LRCH1: variants seen among roughly 807,000 people sequenced by gnomAD.
The protein encoded by LRCH1 is leucine-rich repeat and calponin homology domain-containing protein 1.
In LRCH1, 23 loss-of-function variants were observed where a neutral mutation model predicts 94.9. That is an observed-to-expected ratio of 0.24 (90% confidence interval 0.17 to 0.34). The LOEUF (loss-of-function observed/expected upper bound fraction) is 0.34. LRCH1 is among the 10% of genes least tolerant of loss of function. The probability of loss-of-function intolerance (pLI) is 1.00; values close to 1 mark genes in which losing one functional copy is unlikely to be tolerated. For missense variants in LRCH1, 790 were observed against 945.9 expected, an observed-to-expected ratio of 0.84 and a Z score of 2.16; for synonymous variants, 364 against 354.9, an observed-to-expected ratio of 1.03 and a Z score of -0.29.
Position 46,705,302 on chromosome 13 carries a change from G to C in LRCH1, c.1525G>C (p.Glu509Gln). The stretch of plus-strand genomic sequence containing the variant: ...ACAGCTGGAGACATCTCCGGTGTGT[G>C]AGGTAAGGCTGCTGGTAGATTCACC... ...QIQLETSPVC[E>Q]VQSDLTLQSN... Residue 509 changes from glutamate to glutamine, a missense_variant and splice_region_variant, in exon 13 of 20, where the codon GAG becomes CAG. Transcript: ENST00000389797. 1 of 1,613,376 alleles carries C rather than the reference G, an allele frequency of 6.2e-7. No homozygotes were observed. The highest frequency in any genetic ancestry group is 8.5e-7 in the Non-Finnish European group (1 of 1,179,604).
chr13:46,678,096 T>A (rs9590978), intron 3 of LRCH1, among the ~76,000 whole-genome samples: 2,703 of 152,336 alleles, frequency 0.018, 67 homozygotes, highest in East Asian at 0.07. Flanking sequence ...GCATTAGTGT[T>A]GTTTTTATTT....
chr13:46,641,530 A>G (rs536240040), intron 1 of LRCH1, among the ~76,000 whole-genome samples: 69 of 152,328 alleles, frequency 4.5e-4, no homozygotes, highest in African/African-American at 1.6e-3. Context: ...CCACGATAAC[A>G]TGTTTATGAT....
At chr13:46,658,478 T>C (rs1014335281) in intron 2 of LRCH1, among the ~76,000 whole-genome samples, 1 of 152,196 alleles carries the variant, frequency 6.6e-6, no homozygotes, top group Non-Finnish European at 1.5e-5. Context: ...TAAATTTCTT[T>C]TTATTTTCAT....
At chr13:46,623,570 T>C (rs2050905707) in intron 1 of LRCH1, among the ~76,000 whole-genome samples, 1 of 152,068 alleles carries the variant, frequency 6.6e-6, no homozygotes. Flanking sequence ...AACTTCTTCC[T>C]CTAGGGATAT....
chr13:46,586,080 C>T (rs938507769), intron 1 of LRCH1, among the ~76,000 whole-genome samples: 8 of 152,168 alleles, frequency 5.3e-5, no homozygotes, highest in African/African-American at 1.9e-4. Context: ...AAGCCTCGTG[C>T]ATTCTTTTCA....
At chr13:46,577,637 A>G (rs2095377593) in intron 1 of LRCH1, among the ~76,000 whole-genome samples, 1 of 152,246 alleles carries the variant, frequency 6.6e-6, no homozygotes, top group South Asian at 2.1e-4. Context: ...AAGCACAGCA[A>G]CTAGCTTTTT....
chr13:46,672,065 C>G (rs766278093), intron 3 of LRCH1, among the ~76,000 whole-genome samples: 1 of 152,166 alleles, frequency 6.6e-6, no homozygotes, highest in African/African-American at 2.4e-5. Context: ...CCTCCTCAAC[C>G]CTGGCAACCA....
At chr13:46,695,658 T>C (rs2147163) in intron 9 of LRCH1, among the ~76,000 whole-genome samples, 119,587 of 152,194 alleles carry the variant, frequency 0.79, 47,185 homozygotes, top group African/African-American at 0.86. Context: ...CAGGTTGTGG[T>C]GCCCAAGAAT....
chr13:46,590,863 T>G (rs925336367), intron 1 of LRCH1, among the ~76,000 whole-genome samples: 1 of 152,214 alleles, frequency 6.6e-6, no homozygotes, highest in African/African-American at 2.4e-5. Flanking sequence ...CCAAGTGAAG[T>G]GAGAAGATAG....
At chr13:46,624,984 G>T (rs545378617) in intron 1 of LRCH1, among the ~76,000 whole-genome samples, 1 of 152,254 alleles carries the variant, frequency 6.6e-6, no homozygotes, top group Admixed American at 6.5e-5. Context: ...CATCCTCAGG[G>T]TTCTGTTTAC....
At chr13:46,578,758 C>T (rs2050331786) in intron 1 of LRCH1, among the ~76,000 whole-genome samples, 1 of 152,018 alleles carries the variant, frequency 6.6e-6, no homozygotes, top group African/African-American at 2.4e-5. Flanking sequence ...CAGATGCTTA[C>T]ATCGTGGGAG....
chr13:46,687,923 C>A lies in LRCH1; in HGVS notation c.894C>A (p.Asp298Glu). Residue 298 changes from aspartate to glutamate, a missense_variant, in exon 6 of 20, where the codon GAC (aspartate) becomes GAA (glutamate). Asp to Glu is a conservative substitution (Grantham distance 45, BLOSUM62 2). This residue lies in a region of LRCH1 where 194 missense variants were observed against 293.5 expected (regional missense o/e 0.66). Coordinates refer to ENST00000389797, the MANE Select transcript of LRCH1 (RefSeq NM_001164211.2). ...SIQACQIKTA[D>E]SLYLHTMERP... ...AAGCATGCCAGATTAAGACAGCTGA[C>A]TCCCTTTATCTCCACACCATGGAGA... 6.2e-7 allele frequency: 1 copy of A among 1,613,198 alleles called. No individual in the cohort carries two copies.
At chr13:46,631,320 G>T (rs1198883457) in intron 1 of LRCH1, among the ~76,000 whole-genome samples, 1 of 152,162 alleles carries the variant, frequency 6.6e-6, no homozygotes. Flanking sequence ...GGCTTTTTAG[G>T]TGGCTTCCAA....
At position 46,556,482 on chromosome 13, in the gene LRCH1, G is replaced by A. The variant is rs142113742; in HGVS notation, c.307+2779G>A. 2.0e-5 allele frequency among the ~76,000 whole-genome samples: 3 copies of A among 152,278 alleles called. No individual in the cohort carries two copies. The East Asian group carries it at 5.8e-4, about 29-fold the overall frequency. On this transcript the variant is annotated intron_variant, in intron 1 of 19. Transcript: ENST00000389797. Reference sequence around the variant, plus strand: ...TTAATAGGTGAAACGGGGAAAGAAAGACTGATCCACGCAGGTGCAGTGAGT... The same window carrying A: ...TTAATAGGTGAAACGGGGAAAGAAAAACTGATCCACGCAGGTGCAGTGAGT...
chr13:46,598,800 T>G (rs1441800086), intron 1 of LRCH1, among the ~76,000 whole-genome samples: 1 of 152,174 alleles, frequency 6.6e-6, no homozygotes, highest in African/African-American at 2.4e-5. Flanking sequence ...CCATGGGCAA[T>G]GCTCTATGGT....
chr13:46,703,253 G>C (rs537269507), intron 11 of LRCH1, among the ~76,000 whole-genome samples: 2 of 152,312 alleles, frequency 1.3e-5, no homozygotes, highest in South Asian at 4.1e-4. Context: ...TCAGGAAGTA[G>C]TGTGGCTTGT....
intron 13 of LRCH1, among the ~76,000 whole-genome samples, chr13:46,710,577 T>C (rs1200436799): frequency 6.6e-6 from 1 of 152,100 alleles, no homozygotes; most frequent in Non-Finnish European, 1.5e-5. Context: ...AAGAATTGCT[T>C]ATAGAAAGAA....
chr13:46,578,454 T>C (rs1040605128), intron 1 of LRCH1, among the ~76,000 whole-genome samples: 1 of 152,110 alleles, frequency 6.6e-6, no homozygotes, highest in Non-Finnish European at 1.5e-5. Flanking sequence ...CGGAGGAAAA[T>C]ATGAAGGCTG....
chr13:46,600,858 C>T (rs1262473943), intron 1 of LRCH1, among the ~76,000 whole-genome samples: 4 of 152,232 alleles, frequency 2.6e-5, no homozygotes, highest in Non-Finnish European at 4.4e-5. Context: ...CTTTTCTGCT[C>T]ATGACTGATG....
Sources: gnomAD v4.1 joint callset for allele counts (sites outside exome capture counted in the v4.1 genomes callset) on GRCh38, gnomAD v4.1.1 for gene constraint, gnomAD v4.1.1 regional missense constraint, MANE v1.5 for transcripts, NCBI Gene and HGNC (gene_info 2026-07-23, HGNC 2026-07-21) for gene names.